Variants in CDK14 observed in about 807,000 individuals in gnomAD.
The protein encoded by CDK14 is cyclin-dependent kinase 14.
Under a neutral mutation model 60.7 loss-of-function variants are expected in CDK14, and 34 were observed. The ratio of observed to expected loss-of-function variants is 0.56; its 90% CI spans 0.43 to 0.75. The LOEUF is 0.75. Ranked by LOEUF, CDK14 falls within the 30% of genes least tolerant of loss-of-function variation. The pLI, the probability that CDK14 is intolerant of heterozygous loss-of-function variation, is 0.00. For synonymous variants in CDK14, 197 were observed against 203.7 expected (o/e 0.97, Z 0.28); for missense variants, 482 against 564.1 (o/e 0.85, Z 1.47).
At chr7:90,655,236 G>A (rs1301328452) in intron 2 of CDK14, among the ~76,000 whole-genome samples, 2 of 152,092 alleles carry the variant, frequency 1.3e-5, no homozygotes, top group African/African-American at 4.8e-5. Flanking sequence ...TTTACCCATT[G>A]ATGTAACATA....
chr7:90,727,724 C>T (rs1362568250), intron 3 of CDK14, among the ~76,000 whole-genome samples: 2 of 152,090 alleles, frequency 1.3e-5, no homozygotes, highest in Non-Finnish European at 2.9e-5. Context: ...TAAAATGCCT[C>T]CAAAACAAAT....
At chr7:90,769,805 A>G (rs991920285) in intron 4 of CDK14, among the ~76,000 whole-genome samples, 17 of 152,144 alleles carry the variant, frequency 1.1e-4, no homozygotes, top group Non-Finnish European at 2.1e-4. Flanking sequence ...GAATGGTCCT[A>G]TGAACAGAGA....
chr7:91,117,471 C>T (rs545402385), intron 13 of CDK14, among the ~76,000 whole-genome samples: 5 of 152,184 alleles, frequency 3.3e-5, no homozygotes, highest in South Asian at 2.1e-4. Context: ...TCTAGACATA[C>T]GCATGGTTTG....
chr7:91,035,028 G>A (rs1204344348), intron 10 of CDK14, among the ~76,000 whole-genome samples: 1 of 151,900 alleles, frequency 6.6e-6, no homozygotes. Flanking sequence ...CCATGTGATT[G>A]TGCTGGTTCC....
chr7:91,150,159 TACA>T (rs1413864401), intron 14 of CDK14, among the ~76,000 whole-genome samples: 1 of 152,200 alleles, frequency 6.6e-6, no homozygotes, highest in East Asian at 1.9e-4. Context: ...TCCAAAAAAT[TACA>T]ACATCTTCTG....
chr7:90,765,637 G>A (rs1360197800), intron 4 of CDK14, among the ~76,000 whole-genome samples: 5 of 151,058 alleles, frequency 3.3e-5, no homozygotes, highest in Non-Finnish European at 7.4e-5. Flanking sequence ...AGGGACTGGT[G>A]GGGATGGATA....
intron 5 of CDK14, among the ~76,000 whole-genome samples, chr7:90,795,225 G>A (rs1025408166): frequency 6.6e-6 from 1 of 152,022 alleles, no homozygotes; most frequent in Non-Finnish European, 1.5e-5. Flanking sequence ...TTTACAACTT[G>A]TTCATATTTT....
chr7:90,711,552 A>G (rs1678226084), intron 2 of CDK14, among the ~76,000 whole-genome samples: 1 of 152,104 alleles, frequency 6.6e-6, no homozygotes, highest in African/African-American at 2.4e-5. Flanking sequence ...AAGTAGAGCA[A>G]TAACGTGACT....
At chr7:90,962,194 A>G (rs1178645103) in intron 9 of CDK14, among the ~76,000 whole-genome samples, 1 of 103,180 alleles carries the variant, frequency 9.7e-6, no homozygotes, top group Non-Finnish European at 2.2e-5. Context: ...TATGTCAAAA[A>G]TCTAGTGTGG....
At chr7:90,824,332 TCA>T (rs1789648717) in intron 5 of CDK14, among the ~76,000 whole-genome samples, 1 of 152,176 alleles carries the variant, frequency 6.6e-6, no homozygotes, top group Non-Finnish European at 1.5e-5. Context: ...TTACCCAGAA[TCA>T]CACAGTTAGT....
chr7:90,647,263 G>A (rs894894851), intron 2 of CDK14, among the ~76,000 whole-genome samples: 8 of 152,100 alleles, frequency 5.3e-5, no homozygotes, highest in African/African-American at 1.9e-4. Flanking sequence ...AGACGATCTA[G>A]TCCCACCTTC....
At chr7:91,057,325 A>G (rs574290067) in intron 11 of CDK14, among the ~76,000 whole-genome samples, 4 of 152,184 alleles carry the variant, frequency 2.6e-5, no homozygotes, top group Non-Finnish European at 2.9e-5. Context: ...AGATGAGTAG[A>G]TTGCAAAAAT....
chr7:91,129,787 A>C (rs567573944), intron 14 of CDK14, among the ~76,000 whole-genome samples: 1 of 152,180 alleles, frequency 6.6e-6, no homozygotes, highest in South Asian at 2.1e-4. Flanking sequence ...GGACAGTGAT[A>C]ATGAGATTGG....
chr7:91,092,015 C>T lies in CDK14; in HGVS notation c.1154+12535C>T, dbSNP rs117857196. On this transcript the variant is annotated intron_variant, in intron 12 of 14. Coordinates refer to ENST00000380050, the MANE Select transcript of CDK14 (RefSeq NM_001287135.2). Reference sequence around the variant, plus strand: ...ATAAGTAGTTGGACCCCAGATGATACTCAATGTGCAGCGTTTTAATCCTAT... The same window carrying T: ...ATAAGTAGTTGGACCCCAGATGATATTCAATGTGCAGCGTTTTAATCCTAT... Among the ~76,000 whole-genome samples the T allele has an allele frequency of 6.3e-3, 955 of 152,182 alleles. 9 individuals are homozygous for T. Among genetic ancestry groups the T allele is most frequent in the South Asian group, 0.016 (76 of 4,814 alleles).
At chr7:90,805,297 T>A (rs1490877181) in intron 5 of CDK14, among the ~76,000 whole-genome samples, 2 of 152,126 alleles carry the variant, frequency 1.3e-5, no homozygotes, top group African/African-American at 4.8e-5. Flanking sequence ...CAAAATCATT[T>A]AATGTAATAC....
At chr7:90,740,371 C>G (rs1429068546) in intron 3 of CDK14, among the ~76,000 whole-genome samples, 1 of 151,804 alleles carries the variant, frequency 6.6e-6, no homozygotes, top group African/African-American at 2.4e-5. Flanking sequence ...GAAGTCCCAG[C>G]CCCCAGTACC....
intron 2 of CDK14, among the ~76,000 whole-genome samples, chr7:90,698,309 C>G (rs1801709527): frequency 6.6e-6 from 1 of 151,942 alleles, no homozygotes; most frequent in Non-Finnish European, 1.5e-5. Context: ...TGAATTCTAC[C>G]TATAAATTAC....
intron 5 of CDK14, among the ~76,000 whole-genome samples, chr7:90,792,368 A>G (rs148960782): frequency 0.012 from 1,883 of 152,276 alleles, 12 homozygotes; most frequent in Non-Finnish European, 0.019. Context: ...CTTCTCTTGA[A>G]TACAGTAGTA....
chr7:91,175,079 G>A (rs1472512605), intron 14 of CDK14, among the ~76,000 whole-genome samples: 2 of 145,102 alleles, frequency 1.4e-5, no homozygotes, highest in African/African-American at 5.2e-5. Context: ...TACCCTCAAA[G>A]GGAAGCCCAT....
Sources: allele counts gnomAD v4.1 joint callset (sites outside exome capture counted in the v4.1 genomes callset), GRCh38; gene constraint gnomAD v4.1.1; transcripts MANE v1.5; gene names NCBI Gene and HGNC (gene_info 2026-07-23, HGNC 2026-07-21).